Variants in TNFRSF11A observed in about 807,000 individuals in gnomAD.
TNFRSF11A encodes the protein TNF receptor superfamily member 11a, also known as tumor necrosis factor receptor superfamily member 11A.
A neutral mutation model predicts 55.7 loss-of-function variants in TNFRSF11A; 32 were observed. The observed-to-expected ratio is 0.57, with a 90% CI of 0.43 to 0.77. The LOEUF (loss-of-function observed/expected upper bound fraction) is 0.77. TNFRSF11A is among the 30% of genes least tolerant of loss of function. The probability of loss-of-function intolerance (pLI) is 0.00; values close to 1 mark genes in which losing one functional copy is unlikely to be tolerated. For missense variants in TNFRSF11A, 753 were observed against 809.8 expected, an observed-to-expected ratio of 0.93 and a Z score of 0.85; for synonymous variants, 311 against 331.0, an observed-to-expected ratio of 0.94 and a Z score of 0.65.
At position 62,384,865 on chromosome 18, in the gene TNFRSF11A, C is replaced by A. The variant is rs150104634; in HGVS notation, c.1682C>A (p.Ala561Glu). The change falls in exon 10 of 10, where the codon GCG becomes GAG. Residue 561 changes from alanine to glutamate, a missense_variant. Physicochemically the swap from Ala to Glu is moderately radical, Grantham distance 107. Transcript: ENST00000586569. ...CAGACCTCGCAGGAGGGCGCGGCGG[C>A]GGCTGCGGAGCCCATGGGCCGCCCG... ...VSQTSQEGAA[A>E]AAEPMGRPVQ... is the part of the protein sequence containing the mutation. 29 of 1,601,994 alleles carry A rather than the reference C, an allele frequency of 1.8e-5. No homozygotes were observed. The highest frequency in any genetic ancestry group is 2.5e-5 in the Non-Finnish European group (29 of 1,174,664).
intron 9 of TNFRSF11A, among the ~76,000 whole-genome samples, chr18:62,382,622 T>A (rs1911371658): frequency 1.3e-5 from 2 of 152,198 alleles, no homozygotes; most frequent in Admixed American, 6.5e-5. Flanking sequence ...TGAGTGATAA[T>A]GTCGGTGCTG....
intron 1 of TNFRSF11A, among the ~76,000 whole-genome samples, chr18:62,337,790 ACT>A (rs1356313401): frequency 6.6e-6 from 1 of 151,824 alleles, no homozygotes; most frequent in East Asian, 1.9e-4. Context: ...GTAAGCCAGG[ACT>A]CTCTCGGTTG....
In TNFRSF11A at chr18:62,385,702, G is replaced by T. The variant is rs78622775; in HGVS notation, c.*668G>T. 0.016 allele frequency: 2,235 copies of T among 142,458 alleles called. 31 individuals are homozygous for T. The highest frequency in any genetic ancestry group is 0.026 in the Non-Finnish European group (1,667 of 64,588). The allele number at this position is 142,458 out of a possible 1,614,324, so 8.8% of individuals were successfully genotyped here. On this transcript the variant is annotated 3_prime_UTR_variant, in exon 10 of 10. Transcript: ENST00000586569. ...CGGTCCCACCATGTTACCCAGCCTG[G>T]TCTCAAACTCCCCAGCTAAAGCAGT... is the stretch of plus-strand genomic sequence containing the variant.
In TNFRSF11A at chr18:62,325,661, AC is replaced by A. The variant is rs1351271551; in HGVS notation, c.75+235del. On this transcript the variant is annotated intron_variant, in intron 1 of 9. Coordinates refer to ENST00000586569, the MANE Select transcript of TNFRSF11A (RefSeq NM_003839.4). The surrounding 1 kb of genome is among the most constrained non-coding windows in gnomAD (Gnocchi z 4.7). ...GAAGGAGCAGGTTGGCGGGACCGCA[AC>A]ACCCGAAACGGGCTCTTCCAAAAGC... Among the ~76,000 whole-genome samples, 1 of 152,166 alleles carries A rather than the reference AC, an allele frequency of 6.6e-6. No individual in the cohort carries two copies. The highest frequency in any genetic ancestry group is 1.5e-5 in the Non-Finnish European group (1 of 68,014).
At chr18:62,353,381 G>C (rs544574361) in intron 3 of TNFRSF11A, among the ~76,000 whole-genome samples, 1 of 152,296 alleles carries the variant, frequency 6.6e-6, no homozygotes, top group African/African-American at 2.4e-5. Flanking sequence ...CTTGCACTTA[G>C]AACGCTAGAC....
chr18:62,366,931 C>G (rs1910133332), intron 8 of TNFRSF11A, among the ~76,000 whole-genome samples, 171 bp downstream of exon 8: 1 of 152,126 alleles, frequency 6.6e-6, no homozygotes, highest in Non-Finnish European at 1.5e-5. Context: ...TCACTGCAAC[C>G]TCCACCTCCC....
At chr18:62,367,788 CTTTTTT>C (rs67721371) in intron 8 of TNFRSF11A, among the ~76,000 whole-genome samples, 2 of 78,668 alleles carry the variant, frequency 2.5e-5, no homozygotes, top group African/African-American at 1.0e-4. Flanking sequence ...TCTTCTTCTT[CTTTTTT>C]TTTTTTTTTT....
chr18:62,326,434 A>G (rs1382311014), intron 1 of TNFRSF11A, among the ~76,000 whole-genome samples: 1 of 152,230 alleles, frequency 6.6e-6, no homozygotes, highest in African/African-American at 2.4e-5. Flanking sequence ...TGGGTCTGTC[A>G]GTATGGTTGA....
intron 1 of TNFRSF11A, among the ~76,000 whole-genome samples, chr18:62,326,032 C>T (rs1600337463): frequency 6.6e-6 from 1 of 152,234 alleles, no homozygotes; most frequent in South Asian, 2.1e-4. Context: ...CGAGTGGCTT[C>T]CCGGTCCTCT....
chr18:62,380,410 G>T (rs1600424637), intron 9 of TNFRSF11A, among the ~76,000 whole-genome samples: 1 of 149,350 alleles, frequency 6.7e-6, no homozygotes, highest in South Asian at 2.1e-4. Context: ...CTAGGTAACT[G>T]TCCTTTACAT....
chr18:62,381,920 T>G (rs902356334), intron 9 of TNFRSF11A, among the ~76,000 whole-genome samples: 9 of 152,282 alleles, frequency 5.9e-5, no homozygotes, highest in African/African-American at 2.2e-4. Context: ...CGCCTACTTC[T>G]GTTGCTGCTA....
At chr18:62,344,336 G>A (rs1474149963) in intron 1 of TNFRSF11A, among the ~76,000 whole-genome samples, 1 of 152,222 alleles carries the variant, frequency 6.6e-6, no homozygotes, top group Non-Finnish European at 1.5e-5. Context: ...CAGTCTTAAA[G>A]GTGAACTAGA....
chr18:62,348,058 C>CAA (rs201661953), intron 1 of TNFRSF11A, 110 bp from the exon 2 acceptor site: 1,312 of 639,304 alleles, frequency 2.1e-3, no homozygotes, highest in Middle Eastern at 2.8e-3. Context: ...AAACTCCATT[C>CAA]AAAAAAAAAA....
chr18:62,367,621 A>T (rs1910182484), intron 8 of TNFRSF11A, among the ~76,000 whole-genome samples: 1 of 152,086 alleles, frequency 6.6e-6, no homozygotes, highest in Admixed American at 6.5e-5. Flanking sequence ...TAAATATTTC[A>T]GTGTGTATTT....
intron 3 of TNFRSF11A, among the ~76,000 whole-genome samples, chr18:62,353,225 T>C (rs1006097190): frequency 1.3e-5 from 2 of 152,232 alleles, no homozygotes; most frequent in African/African-American, 4.8e-5. Flanking sequence ...TAAACTTGTT[T>C]CATGTGTGTT....
At chr18:62,333,113 G>T (rs900883163) in intron 1 of TNFRSF11A, among the ~76,000 whole-genome samples, 1 of 152,172 alleles carries the variant, frequency 6.6e-6, no homozygotes, top group Non-Finnish European at 1.5e-5. Flanking sequence ...GATGTGTGGA[G>T]CCCAGGACTG....
In TNFRSF11A at chr18:62,348,559, A is replaced by G. The variant is rs546505079; in HGVS notation, c.157+310A>G. ...TTAAAAACTAATATTTTAGCACTTTATGACTCAAACTCTCAAATGTGAAAT... is the reference window on the plus strand; with the variant it reads ...TTAAAAACTAATATTTTAGCACTTTGTGACTCAAACTCTCAAATGTGAAAT... On this transcript the variant is annotated intron_variant, in intron 2 of 9. Transcript: ENST00000586569. 3.3e-5 allele frequency among the ~76,000 whole-genome samples: 5 copies of G among 152,384 alleles called. No individual in the cohort carries two copies. In the East Asian group the frequency reaches 9.6e-4, roughly 29 times the overall value.
intron 1 of TNFRSF11A, among the ~76,000 whole-genome samples, chr18:62,346,475 C>G (rs1162137800): frequency 1.3e-5 from 2 of 152,194 alleles, no homozygotes; most frequent in Non-Finnish European, 2.9e-5. Context: ...GGGCTCAATG[C>G]AGCTTCCCTA....
intron 9 of TNFRSF11A, among the ~76,000 whole-genome samples, chr18:62,371,994 T>C (rs1270908582): frequency 1.8e-5 from 1 of 55,728 alleles, no homozygotes; most frequent in Non-Finnish European, 5.1e-5. Flanking sequence ...CATCAAATAG[T>C]TCTGGAGAAA....
Sources: allele counts gnomAD v4.1 joint callset (sites outside exome capture counted in the v4.1 genomes callset), GRCh38; gene constraint gnomAD v4.1.1; non-coding constraint Gnocchi (gnomAD v3.1); transcripts MANE v1.5; gene names NCBI Gene and HGNC (gene_info 2026-07-23, HGNC 2026-07-21).